ZNF69: variants seen among roughly 807,000 people sequenced by gnomAD.
ZNF69 encodes zinc finger protein 69, also known as ZNF3.
A neutral mutation model predicts 50.9 loss-of-function variants in ZNF69; 47 were observed. The ratio of observed to expected loss-of-function variants is 0.92; its 90% CI spans 0.73 to 1.18. ZNF69 has a LOEUF of 1.18. Among genes scored for constraint, ZNF69 ranks in the 50% most tolerant of loss-of-function variants. The pLI is 0.00. For synonymous variants in ZNF69, 216 were observed against 223.1 expected, an observed-to-expected ratio of 0.97 and a Z score of 0.29; for missense variants, 717 against 675.1, an observed-to-expected ratio of 1.06 and a Z score of -0.69.
At chr19:11,977,115 A>G in the ZNF69 span, 6 of 1,613,936 alleles carry the variant, frequency 3.7e-6, no homozygotes, top group South Asian at 6.6e-5. Context: ...CGCAGAGGAA[A>G]CTCTACAGGG....
At chr19:11,959,959 C>T in the ZNF69 span, among the ~76,000 whole-genome samples, 9 of 151,532 alleles carry the variant, frequency 5.9e-5, no homozygotes, top group African/African-American at 2.2e-4. Context: ...GAGCATTTTT[C>T]CTATATGATC....
At chr19:11,929,909 G>T in the ZNF69 span, among the ~76,000 whole-genome samples, 1 of 148,252 alleles carries the variant, frequency 6.7e-6, no homozygotes, top group Non-Finnish European at 1.5e-5. Context: ...ACCTTATCAG[G>T]ATGTCTTTGG....
the ZNF69 span, among the ~76,000 whole-genome samples, chr19:11,964,544 T>G: frequency 6.6e-6 from 1 of 152,158 alleles, no homozygotes; most frequent in Admixed American, 6.5e-5. Flanking sequence ...AGGGAGCATT[T>G]TCACACTGTG....
chr19:11,975,207 T>G, the ZNF69 span, among the ~76,000 whole-genome samples: 1 of 151,802 alleles, frequency 6.6e-6, no homozygotes, highest in Non-Finnish European at 1.5e-5. Context: ...CAAGCGATTC[T>G]CCTGCCTCAG....
chr19:11,904,305 AG>A (rs1176957666), intron 3 of ZNF69, among the ~76,000 whole-genome samples: 1 of 152,214 alleles, frequency 6.6e-6, no homozygotes. Flanking sequence ...GGATCACTTG[AG>A]CCAGTAAAGG....
intron 1 of ZNF69, 105 bp from the exon 2 acceptor site, chr19:11,903,468 G>A: frequency 6.6e-7 from 1 of 1,517,242 alleles, no homozygotes; most frequent in Non-Finnish European, 8.9e-7. Flanking sequence ...GAGATCTGAT[G>A]ACCCTTGGAG....
chr19:11,957,707 T>G, the ZNF69 span, among the ~76,000 whole-genome samples: 1 of 151,760 alleles, frequency 6.6e-6, no homozygotes, highest in African/African-American at 2.4e-5. Flanking sequence ...TAGCTGGGTG[T>G]GGTGGCACAC....
At chr19:11,950,420 C>G in the ZNF69 span, 1 of 771,226 alleles carries the variant, frequency 1.3e-6, no homozygotes. Context: ...GCCTTCATTC[C>G]TTTTACTTCT....
At chr19:11,923,244 T>C in the ZNF69 span, among the ~76,000 whole-genome samples, 1 of 152,208 alleles carries the variant, frequency 6.6e-6, no homozygotes, top group Non-Finnish European at 1.5e-5. Flanking sequence ...TTTCTTTCCA[T>C]AAGGAAGCAA....
the ZNF69 span, chr19:11,978,093 A>G: frequency 2.6e-5 from 42 of 1,603,320 alleles, no homozygotes; most frequent in Non-Finnish European, 3.5e-5. Flanking sequence ...AACCCTTCAT[A>G]ATGTGCTTCT....
chr19:11,905,509 C>T lies in ZNF69; in HGVS notation c.1112C>T (p.Ser371Phe), dbSNP rs772829545. 6 of 1,611,296 alleles carry T rather than the reference C, an allele frequency of 3.7e-6. No homozygotes were observed. ...ECKICGKGFC[S>F]ANSFQRHEKT... is the part of the protein sequence containing the mutation. Reference sequence around the variant, plus strand: ...AAGATATGTGGGAAAGGCTTTTGTTCTGCCAATTCATTTCAAAGACATGAA... The same window carrying T: ...AAGATATGTGGGAAAGGCTTTTGTTTTGCCAATTCATTTCAAAGACATGAA... The change falls in exon 4 of 4, where the codon TCT (serine) becomes TTT (phenylalanine). Residue 371 changes from serine (S) to phenylalanine (F), a missense_variant. By Grantham distance (155) the Ser-to-Phe change is radical (BLOSUM62 -2). Transcript: ENST00000429654.
At chr19:11,951,731 G>A in the ZNF69 span, among the ~76,000 whole-genome samples, 2 of 152,174 alleles carry the variant, frequency 1.3e-5, no homozygotes, top group East Asian at 3.8e-4. Context: ...AAAAATTTTG[G>A]TCATGTTTAT....
At chr19:11,969,380 C>A in the ZNF69 span, among the ~76,000 whole-genome samples, 2 of 152,190 alleles carry the variant, frequency 1.3e-5, no homozygotes, top group African/African-American at 4.8e-5. Context: ...GGTGGGATTA[C>A]AGGTGGGAGT....
intron 1 of ZNF69, among the ~76,000 whole-genome samples, chr19:11,890,985 T>C (rs1426079281): frequency 6.6e-6 from 1 of 152,032 alleles, no homozygotes; most frequent in East Asian, 1.9e-4. Context: ...TCCAGAGAAA[T>C]GGACTCAGTA....
the ZNF69 span, among the ~76,000 whole-genome samples, chr19:11,921,009 C>G: frequency 6.6e-6 from 1 of 152,120 alleles, no homozygotes; most frequent in Non-Finnish European, 1.5e-5. Context: ...CTTGTGCCTG[C>G]CATACTAACA....
the ZNF69 span, among the ~76,000 whole-genome samples, chr19:11,941,644 C>T: frequency 2.1e-3 from 320 of 152,290 alleles, 2 homozygotes; most frequent in African/African-American, 7.1e-3. Context: ...CCGCAAGCGC[C>T]GCGCGCAGCC....
At chr19:11,910,552 T>C (rs1298170608), downstream of ZNF69, among the ~76,000 whole-genome samples, 1 of 151,904 alleles carries the variant, frequency 6.6e-6, no homozygotes, top group Non-Finnish European at 1.5e-5. Flanking sequence ...ACAAACCTGA[T>C]AAAAACAAGA....
the ZNF69 span, chr19:11,953,087 A>C: frequency 6.6e-6 from 1 of 152,174 alleles, no homozygotes; most frequent in Non-Finnish European, 1.5e-5. Flanking sequence ...CACACACAAA[A>C]AAAATTAAAA....
chr19:11,950,111 GA>G, the ZNF69 span: 1 of 1,614,130 alleles, frequency 6.2e-7, no homozygotes, highest in Non-Finnish European at 8.5e-7. Flanking sequence ...ATACATGCAA[GA>G]ACACACATTG....
Sources: allele counts gnomAD v4.1 joint callset (sites outside exome capture counted in the v4.1 genomes callset), GRCh38; gene constraint gnomAD v4.1.1; transcripts MANE v1.5; gene names NCBI Gene and HGNC (gene_info 2026-07-23, HGNC 2026-07-21).